The following LARP1 variants were observed in gnomAD, a reference collection of about 807,000 sequenced individuals.
LARP1 encodes the protein La ribonucleoprotein 1, translational regulator.
A neutral mutation model predicts 122.7 loss-of-function variants in LARP1; 36 were observed. That is an observed-to-expected ratio of 0.29 (90% CI 0.22 to 0.39). LARP1 has a LOEUF of 0.39. Among genes scored for constraint, LARP1 ranks in the 10% least tolerant of loss-of-function variants. LARP1 has a pLI of 1.00. For synonymous variants in LARP1, 539 were observed against 528.7 expected, an observed-to-expected ratio of 1.02 and a Z score of -0.27; for missense variants, 1,040 against 1,403.6, an observed-to-expected ratio of 0.74 and a Z score of 4.14.
At chr5:154,724,511 A>G (rs79727281) in intron 1 of LARP1, among the ~76,000 whole-genome samples, 1,527 of 152,308 alleles carry the variant, frequency 0.01, 23 homozygotes, top group African/African-American at 0.035. Context: ...AATGGTGTCT[A>G]TTGAGAACTT....
chr5:154,782,902 A>G (rs539190277), intron 1 of LARP1, among the ~76,000 whole-genome samples: 1 of 152,280 alleles, frequency 6.6e-6, no homozygotes, highest in South Asian at 2.1e-4. Context: ...TCCTGGGGTC[A>G]GTCAGTATGG....
intron 1 of LARP1, among the ~76,000 whole-genome samples, chr5:154,730,506 G>A (rs1327420224): frequency 2.2e-5 from 3 of 133,922 alleles, no homozygotes; most frequent in Non-Finnish European, 3.2e-5. Context: ...TTGTCTTGCC[G>A]TGGTCGCCCA....
chr5:154,693,842 C>G (rs1187968713), intron 1 of LARP1, among the ~76,000 whole-genome samples: 1 of 138,772 alleles, frequency 7.2e-6, no homozygotes. Flanking sequence ...GGCGACAGAG[C>G]AAGACTCCGT....
rs575446117 is a variant in LARP1 at position 154,691,126 on chromosome 5, G to A, written c.-180+8089G>A. ...AAGAAAAAAAAATTAGCCGGGCGTG[G>A]TGGCGGGCGCCTGTAGTCCCAGCTA... On this transcript the variant is annotated intron_variant, in intron 1 of 18. Transcript: ENST00000687700. Among the ~76,000 whole-genome samples, 6 of 152,126 alleles carry A rather than the reference G, an allele frequency of 3.9e-5. No individual in the cohort carries two copies. The South Asian group carries it at 8.3e-4, about 21-fold the overall frequency.
chr5:154,709,768 G>T (rs1161676695), upstream of LARP1, among the ~76,000 whole-genome samples: 3 of 152,016 alleles, frequency 2.0e-5, no homozygotes, highest in Non-Finnish European at 4.4e-5. Flanking sequence ...GTCAGATGCT[G>T]ACCTAAAGCC....
intron 1 of LARP1, among the ~76,000 whole-genome samples, chr5:154,717,110 A>G (rs1582193093): frequency 6.6e-6 from 1 of 152,100 alleles, no homozygotes; most frequent in South Asian, 2.1e-4. Flanking sequence ...GAGACAGACT[A>G]TTTAATATAA....
chr5:154,688,373 G>A (rs1754034805), intron 1 of LARP1, among the ~76,000 whole-genome samples: 1 of 152,034 alleles, frequency 6.6e-6, no homozygotes, highest in Non-Finnish European at 1.5e-5. Context: ...AAAATTAGCT[G>A]GGCAGGCCAG....
chr5:154,767,403 T>C (rs1755041253), intron 1 of LARP1, among the ~76,000 whole-genome samples: 1 of 152,194 alleles, frequency 6.6e-6, no homozygotes, highest in Non-Finnish European at 1.5e-5. Context: ...TCCTCTGTTG[T>C]CCTGGGTCCT....
chr5:154,778,326 AC>A (rs1756105320), intron 1 of LARP1, among the ~76,000 whole-genome samples: 1 of 151,456 alleles, frequency 6.6e-6, no homozygotes, highest in African/African-American at 2.4e-5. Context: ...GGTTTTGGGT[AC>A]CCCTGTCAGT....
At position 154,803,257 on chromosome 5, in the gene LARP1, C is replaced by T. The variant is rs756724714; in HGVS notation, c.2110-33C>T. 4 of 1,614,074 alleles carry T rather than the reference C, an allele frequency of 2.5e-6. No homozygotes were observed. Among genetic ancestry groups the T allele is most frequent in the Non-Finnish European group, 3.4e-6 (4 of 1,179,950 alleles). On this transcript the variant is annotated intron_variant, in intron 11 of 18. Transcript: ENST00000518297. This position sits in a 1 kb window ranked among gnomAD's most constrained non-coding sequence, Gnocchi z 4.4. ...CAGGCTAGAGCAGCCTGCTTACTTA[C>T]ATCTTTCCCCACTCATCTCATGACC...
intron 1 of LARP1, among the ~76,000 whole-genome samples, chr5:154,785,102 C>A (rs554145633): frequency 1.3e-5 from 2 of 152,346 alleles, no homozygotes; most frequent in African/African-American, 4.8e-5. Flanking sequence ...GATAAATTCC[C>A]CCATCTGTCT....
chr5:154,752,157 A>G (rs887896175), upstream of LARP1, among the ~76,000 whole-genome samples: 1 of 152,170 alleles, frequency 6.6e-6, no homozygotes, highest in African/African-American at 2.4e-5. Flanking sequence ...TTTAGGATAA[A>G]GAGATTCAGG....
At chr5:154,761,379 T>C (rs1352893524) in intron 1 of LARP1, among the ~76,000 whole-genome samples, 1 of 152,166 alleles carries the variant, frequency 6.6e-6, no homozygotes, top group Non-Finnish European at 1.5e-5. Flanking sequence ...CCACCCACTG[T>C]CTATAGTGGG....
chr5:154,790,557 C>T, intron 2 of LARP1, 88 bp from the exon 3 acceptor site: 1 of 1,461,712 alleles, frequency 6.8e-7, no homozygotes, highest in East Asian at 2.3e-5. Flanking sequence ...CTGATTTGGC[C>T]TCTGATCTCT....
chr5:154,770,015 G>A (rs750607317), intron 1 of LARP1, among the ~76,000 whole-genome samples: 1 of 152,176 alleles, frequency 6.6e-6, no homozygotes, highest in Non-Finnish European at 1.5e-5. Flanking sequence ...GCCTTTGGAG[G>A]CCAGCTTAGG....
At chr5:154,726,828 G>A (rs1165695383) in intron 1 of LARP1, among the ~76,000 whole-genome samples, 1 of 152,188 alleles carries the variant, frequency 6.6e-6, no homozygotes, top group East Asian at 1.9e-4. Context: ...TGCAATCATG[G>A]CAGAAGTCAC....
chr5:154,719,651 C>T (rs1244154633), intron 1 of LARP1, among the ~76,000 whole-genome samples: 5 of 151,512 alleles, frequency 3.3e-5, no homozygotes, highest in East Asian at 2.0e-4. Context: ...CACATGAGGC[C>T]AGGAGTTTGA....
intron 1 of LARP1, among the ~76,000 whole-genome samples, chr5:154,683,736 G>T (rs1753796729): frequency 6.6e-6 from 1 of 152,162 alleles, no homozygotes; most frequent in African/African-American, 2.4e-5. Flanking sequence ...GGGGAACCCT[G>T]CTTTTCCTCA....
chr5:154,709,057 A>G (rs73276703), upstream of LARP1, among the ~76,000 whole-genome samples: 62,383 of 152,082 alleles, frequency 0.41, 13,673 homozygotes, highest in Non-Finnish European at 0.49. Context: ...TTGTGTCTCA[A>G]TATCCTCTGC....
Sources: gnomAD v4.1 joint callset for allele counts (sites outside exome capture counted in the v4.1 genomes callset) on GRCh38, gnomAD v4.1.1 for gene constraint, Gnocchi (gnomAD v3.1) non-coding constraint, MANE v1.5 for transcripts, NCBI Gene and HGNC (gene_info 2026-07-23, HGNC 2026-07-21) for gene names.